TEAD1: variants seen among roughly 807,000 people sequenced by gnomAD.
TEAD1 encodes the protein TEA domain transcription factor 1.
A neutral mutation model predicts 54.9 loss-of-function variants in TEAD1; 9 were observed. That is an observed-to-expected ratio of 0.16 (90% CI 0.10 to 0.29). The LOEUF is 0.29. Ranked by LOEUF, TEAD1 falls within the 10% of genes least tolerant of loss-of-function variation. TEAD1 has a pLI of 1.00. For missense variants in TEAD1, 387 were observed against 535.9 expected, an observed-to-expected ratio of 0.72 and a Z score of 2.74; for synonymous variants, 200 against 187.8, an observed-to-expected ratio of 1.07 and a Z score of -0.53.
At chr11:12,884,827 T>C (rs1265899980) in intron 9 of TEAD1, among the ~76,000 whole-genome samples, 1 of 152,120 alleles carries the variant, frequency 6.6e-6, no homozygotes, top group Non-Finnish European at 1.5e-5. Flanking sequence ...GAGGGTTAAA[T>C]CCGTCTAGGT....
intron 2 of TEAD1, among the ~76,000 whole-genome samples, chr11:12,730,246 T>A (rs1161937397): frequency 1.3e-5 from 2 of 152,126 alleles, no homozygotes; most frequent in Non-Finnish European, 2.9e-5. Flanking sequence ...CAAAACACTC[T>A]CCCAGGCTTT....
chr11:12,778,998 C>T (rs894985620), intron 3 of TEAD1, among the ~76,000 whole-genome samples: 1 of 152,132 alleles, frequency 6.6e-6, no homozygotes, highest in African/African-American at 2.4e-5. Context: ...AATTTGTTCA[C>T]AGTAGTAAAG....
At chr11:12,787,080 C>G (rs570164257) in intron 3 of TEAD1, among the ~76,000 whole-genome samples, 1 of 152,278 alleles carries the variant, frequency 6.6e-6, no homozygotes, top group East Asian at 1.9e-4. Context: ...GGCTTTCACT[C>G]TGAGCGGGAG....
intron 12 of TEAD1, among the ~76,000 whole-genome samples, chr11:12,934,780 T>C (rs947989889): frequency 4.6e-5 from 7 of 152,082 alleles, no homozygotes; most frequent in Admixed American, 4.6e-4. Flanking sequence ...CTGTGAGAGA[T>C]GGTACTGCCT....
intron 3 of TEAD1, among the ~76,000 whole-genome samples, chr11:12,799,021 G>T (rs1485411661): frequency 6.6e-6 from 1 of 152,190 alleles, no homozygotes; most frequent in Non-Finnish European, 1.5e-5. Flanking sequence ...CTTGGTATCT[G>T]TTCACTCACT....
intron 2 of TEAD1, among the ~76,000 whole-genome samples, chr11:12,739,172 A>G (rs568297050): frequency 1.3e-5 from 2 of 152,206 alleles, no homozygotes; most frequent in South Asian, 4.2e-4. Context: ...ACTTGGTCTG[A>G]TTGCTTTGCT....
chr11:12,722,473 G>C (rs1431013951), intron 2 of TEAD1, among the ~76,000 whole-genome samples: 1 of 152,140 alleles, frequency 6.6e-6, no homozygotes, highest in Non-Finnish European at 1.5e-5. Flanking sequence ...TTGCTAGGTG[G>C]GTAATGCTGA....
chr11:12,753,766 T>C (rs950247974), intron 2 of TEAD1, among the ~76,000 whole-genome samples: 1 of 152,178 alleles, frequency 6.6e-6, no homozygotes, highest in East Asian at 1.9e-4. Flanking sequence ...ATCATGTTTT[T>C]CCCTCCTGAT....
chr11:12,694,093 C>T (rs1943524858), intron 2 of TEAD1, among the ~76,000 whole-genome samples: 1 of 152,218 alleles, frequency 6.6e-6, no homozygotes, highest in Admixed American at 6.5e-5. Context: ...ACAACTCAGC[C>T]AGGAAAGGCG....
At chr11:12,839,887 G>A (rs554931321) in intron 3 of TEAD1, among the ~76,000 whole-genome samples, 261 of 152,246 alleles carry the variant, frequency 1.7e-3, no homozygotes, top group Non-Finnish European at 2.6e-3. Context: ...TCTGGTTGTA[G>A]CCTTAAGGAA....
chr11:12,684,455 A>T (rs895668270), intron 2 of TEAD1, among the ~76,000 whole-genome samples: 1 of 152,188 alleles, frequency 6.6e-6, no homozygotes, highest in African/African-American at 2.4e-5. Flanking sequence ...TAGCAAAACA[A>T]TGCTTAGGGT....
intron 2 of TEAD1, among the ~76,000 whole-genome samples, chr11:12,753,784 T>G (rs1944927562): frequency 6.6e-6 from 1 of 152,206 alleles, no homozygotes; most frequent in South Asian, 2.1e-4. Flanking sequence ...GATTAGTGCT[T>G]TTGTGTTCCT....
chr11:12,920,490 C>CA (rs1433971145), intron 10 of TEAD1, among the ~76,000 whole-genome samples: 3 of 152,094 alleles, frequency 2.0e-5, no homozygotes, highest in Non-Finnish European at 4.4e-5. Flanking sequence ...GTCTGTACAC[C>CA]AAAATCACTA....
intron 2 of TEAD1, among the ~76,000 whole-genome samples, chr11:12,679,363 C>A (rs575850213): frequency 6.6e-6 from 1 of 152,170 alleles, no homozygotes; most frequent in East Asian, 1.9e-4. Context: ...AGGCATGGGA[C>A]CCTGGAAAAT....
In TEAD1 at chr11:12,802,538, A is replaced by G. The variant is rs980930811; in HGVS notation, c.202+38104A>G. On this transcript the variant is annotated intron_variant, in intron 3 of 12. Transcript: ENST00000527636. ...CACAGATAGTGTTTGACAAAACACT[A>G]TTTAGGAAAGTGCCTGACTGGTGGT... Among the ~76,000 whole-genome samples, 18 of 152,148 alleles carry G rather than the reference A, an allele frequency of 1.2e-4. No homozygotes were observed. The South Asian group carries it at 1.2e-3, about 11-fold the overall frequency.
intron 9 of TEAD1, among the ~76,000 whole-genome samples, chr11:12,895,041 T>A (rs1284715866): frequency 6.6e-6 from 1 of 152,074 alleles, no homozygotes; most frequent in Non-Finnish European, 1.5e-5. Flanking sequence ...TAGGAAGTGG[T>A]GCTACTGCTC....
At chr11:12,883,197 CTT>C (rs1948005232) in intron 9 of TEAD1, 72 bp downstream of exon 9, 1 of 1,608,454 alleles carries the variant, frequency 6.2e-7, no homozygotes, top group Non-Finnish European at 8.5e-7. Context: ...CCTTGCTTCT[CTT>C]TCTTTCCTCC....
At chr11:12,721,939 G>A (rs750299631) in intron 2 of TEAD1, among the ~76,000 whole-genome samples, 6 of 152,178 alleles carry the variant, frequency 3.9e-5, no homozygotes, top group Admixed American at 3.3e-4. Flanking sequence ...ATCCCTGTGC[G>A]TAAGAGTTGC....
At chr11:12,787,903 T>G (rs1945712365) in intron 3 of TEAD1, among the ~76,000 whole-genome samples, 1 of 152,106 alleles carries the variant, frequency 6.6e-6, no homozygotes, top group Non-Finnish European at 1.5e-5. Flanking sequence ...GTGGCAAATA[T>G]TTTCTAGATA....
Sources: gnomAD v4.1 joint callset for allele counts (sites outside exome capture counted in the v4.1 genomes callset) on GRCh38, gnomAD v4.1.1 for gene constraint, MANE v1.5 for transcripts, NCBI Gene and HGNC (gene_info 2026-07-23, HGNC 2026-07-21) for gene names.